A2ML1: variants seen among roughly 807,000 people sequenced by gnomAD.
A2ML1 encodes alpha-2-macroglobulin-like protein 1.
In A2ML1, 161 loss-of-function variants were observed where a neutral mutation model predicts 181.9. The observed-to-expected ratio is 0.89, with a 90% CI of 0.78 to 1.01. The LOEUF (loss-of-function observed/expected upper bound fraction) is 1.01. Among genes scored for constraint, A2ML1 ranks in the 50% least tolerant of loss-of-function variants. A2ML1 has a pLI of 0.00. For synonymous variants in A2ML1, 663 were observed against 666.8 expected (o/e 0.99, Z 0.09); for missense variants, 1,670 against 1,768.1 (o/e 0.94, Z 1.00).
In A2ML1 at chr12:8,857,937, C is replaced by G. The variant is rs958292588; in HGVS notation, c.3108-9C>G. The G allele has an allele frequency of 6.2e-7, 1 of 1,612,970 alleles. No individual in the cohort carries two copies. Among genetic ancestry groups the G allele is most frequent in the Non-Finnish European group, 8.5e-7 (1 of 1,179,506 alleles). Reference sequence around the variant, plus strand: ...TCTTCATGCCATATTTTCCTCTTTACCCATGTAGGCTGACAGCGTTTGTCA... The same window carrying G: ...TCTTCATGCCATATTTTCCTCTTTAGCCATGTAGGCTGACAGCGTTTGTCA... On this transcript the variant is annotated splice_polypyrimidine_tract_variant and intron_variant, in intron 25 of 35. Coordinates refer to ENST00000299698, the MANE Select transcript of A2ML1 (RefSeq NM_144670.6).
chr12:8,844,911 G>T, intron 12 of A2ML1: 1 of 1,119,446 alleles, frequency 8.9e-7, no homozygotes, highest in Non-Finnish European at 1.1e-6. Context: ...TGGGATGAGA[G>T]CCTGCTTGCA....
intron 11 of A2ML1, among the ~76,000 whole-genome samples, chr12:8,842,268 A>G (rs1943506135): frequency 6.7e-6 from 1 of 149,322 alleles, no homozygotes; most frequent in African/African-American, 2.5e-5. Context: ...CCCAGGCTGG[A>G]GTGCAGTGGC....
intron 7 of A2ML1, among the ~76,000 whole-genome samples, chr12:8,881,917 A>G (rs188597238): frequency 0.026 from 3,927 of 152,136 alleles, 62 homozygotes; most frequent in Middle Eastern, 0.041. Context: ...AGGCTGAGGC[A>G]GGAGAATGGC....
intron 13 of A2ML1, among the ~76,000 whole-genome samples, 165 bp from the exon 14 acceptor site, chr12:8,845,912 G>A (rs1943668856): frequency 6.7e-6 from 1 of 150,030 alleles, no homozygotes; most frequent in Non-Finnish European, 1.5e-5. Context: ...ATCCACAGAA[G>A]TAATGGAATT....
At chr12:8,861,110 T>C (rs1321885666) in intron 27 of A2ML1, 25 bp from the exon 28 acceptor site, 2 of 1,613,640 alleles carry the variant, frequency 1.2e-6, no homozygotes, top group Non-Finnish European at 8.5e-7. Context: ...CCTTATAAGT[T>C]ATAGTCTTCA....
chr12:8,839,039 A>C, intron 9 of A2ML1, 74 bp from the exon 10 acceptor site: 4 of 1,049,492 alleles, frequency 3.8e-6, no homozygotes, highest in Non-Finnish European at 5.6e-6. Context: ...CCATTCTCTC[A>C]GAGACTTGAC....
chr12:8,824,616 T>A (rs1323442156), intron 3 of A2ML1, among the ~76,000 whole-genome samples: 4 of 152,036 alleles, frequency 2.6e-5, no homozygotes, highest in African/African-American at 9.7e-5. Flanking sequence ...CTAAATATAT[T>A]TTTGTACCCA....
At chr12:8,842,280 T>C (rs552435564) in intron 11 of A2ML1, among the ~76,000 whole-genome samples, 48 of 151,658 alleles carry the variant, frequency 3.2e-4, no homozygotes, top group South Asian at 2.7e-3. Context: ...TGCAGTGGCG[T>C]GATCTCGGCT....
rs199604768 is a variant in A2ML1, at chr12:8,861,270, C to T, written c.3475C>T (p.Gln1159Ter). ...GGACATCAGAAACATTCTCCTTAAA[C>T]AGTTAGATCAACAGGCTATCATCTC... ...EMDIRNILLK[Q>*]LDQQAIISGE... The change falls in exon 28 of 36, where the codon CAG becomes TAG. Residue 1159 changes from glutamine (Q) to a stop codon, truncating the protein, a stop_gained. Coordinates refer to ENST00000299698, the MANE Select transcript of A2ML1 (RefSeq NM_144670.6). LOFTEE classifies it high-confidence loss of function. 6.2e-6 allele frequency: 10 copies of T among 1,613,938 alleles called. No homozygotes were observed. The highest frequency in any genetic ancestry group is 1.7e-5 in the Admixed American group (1 of 59,990).
At chr12:8,872,384 C>A (rs1944655671) in intron 33 of A2ML1, among the ~76,000 whole-genome samples, 1 of 151,840 alleles carries the variant, frequency 6.6e-6, no homozygotes, top group African/African-American at 2.4e-5. Flanking sequence ...TGGTCTTTAT[C>A]ATATTAGAAA....
At chr12:8,842,506 A>C (rs1214900182) in intron 11 of A2ML1, among the ~76,000 whole-genome samples, 8 of 152,192 alleles carry the variant, frequency 5.3e-5, no homozygotes, top group South Asian at 2.1e-4. Flanking sequence ...GGCGTGAGCC[A>C]CCGCGCCCGG....
At chr12:8,868,463 T>TGTGC (rs2136961778) in intron 31 of A2ML1, 74 bp from the exon 32 acceptor site, 1 of 1,593,876 alleles carries the variant, frequency 6.3e-7, no homozygotes, top group Non-Finnish European at 8.6e-7. Flanking sequence ...TGTACGTGTG[T>TGTGC]GTGTGTGTGT....
intron 31 of A2ML1, 83 bp from the exon 32 acceptor site, chr12:8,868,454 G>T: frequency 6.7e-7 from 1 of 1,494,954 alleles, no homozygotes; most frequent in Non-Finnish European, 8.9e-7. Context: ...ATGTGTGTGT[G>T]TACGTGTGTG....
chr12:8,850,432 A>T (rs188720182), intron 18 of A2ML1, among the ~76,000 whole-genome samples, 158 bp downstream of exon 18: 70 of 152,216 alleles, frequency 4.6e-4, no homozygotes, highest in African/African-American at 1.1e-3. Context: ...AAAAGAAATT[A>T]AAAAAATAGC....
downstream of A2ML1, among the ~76,000 whole-genome samples, chr12:8,877,004 T>C (rs1344253467): frequency 6.6e-6 from 1 of 152,110 alleles, no homozygotes; most frequent in Non-Finnish European, 1.5e-5. Context: ...CAAACAGTGA[T>C]GGATTACAAG....
At chr12:8,823,445 A>G (rs1451426415) in intron 2 of A2ML1, 80 bp downstream of exon 2, 4 of 1,441,288 alleles carry the variant, frequency 2.8e-6, no homozygotes, top group East Asian at 2.3e-5. Flanking sequence ...TACTTTAAGT[A>G]TAATTTCTGT....
At position 8,860,923 on chromosome 12, in the gene A2ML1, G is replaced by T. The variant is rs1490246406; in HGVS notation, c.3307G>T (p.Ala1103Ser). 6.2e-7 allele frequency: 1 copy of T among 1,613,994 alleles called. No individual in the cohort carries two copies. Among genetic ancestry groups the T allele is most frequent in the Non-Finnish European group, 8.5e-7 (1 of 1,180,034 alleles). ...GGTCTCCTTGACTGCGTATGTCACA[G>T]CTGCATTGCTGGAGATGGGAAAGGA... The part of the protein sequence containing the change: ...DEVSLTAYVT[A>S]ALLEMGKDVD... Residue 1103 changes from alanine (A) to serine (S), a missense_variant, in exon 27 of 36, where the codon GCT becomes TCT. Transcript: ENST00000299698.
chr12:8,872,160 CG>C (rs1484853381), intron 33 of A2ML1, among the ~76,000 whole-genome samples: 1 of 148,038 alleles, frequency 6.8e-6, no homozygotes, highest in Non-Finnish European at 1.5e-5. Context: ...GCCTGGGCAA[CG>C]GTGCAAGACT....
chr12:8,844,512 G>A (rs1214056257), intron 12 of A2ML1, among the ~76,000 whole-genome samples: 2 of 152,122 alleles, frequency 1.3e-5, no homozygotes, highest in African/African-American at 4.8e-5. Context: ...TAACTTGGTA[G>A]CCTGAAAGCA....
Sources: allele counts gnomAD v4.1 joint callset (sites outside exome capture counted in the v4.1 genomes callset), GRCh38; gene constraint gnomAD v4.1.1; transcripts MANE v1.5; gene names NCBI Gene and HGNC (gene_info 2026-07-23, HGNC 2026-07-21).